The following GDF7 variants were observed in gnomAD, a reference collection of about 807,000 sequenced individuals.
The protein encoded by GDF7 is growth/differentiation factor 7.
Under a neutral mutation model 13.4 loss-of-function variants are expected in GDF7, and 12 were observed. That is an observed-to-expected ratio of 0.90 (90% CI 0.57 to 1.45). GDF7 has a LOEUF of 1.45. Ranked by LOEUF, GDF7 falls within the 40% of genes most tolerant of loss-of-function variation. The pLI, the probability that GDF7 is intolerant of heterozygous loss-of-function variation, is 0.00. For missense variants in GDF7, 651 were observed against 652.4 expected, an observed-to-expected ratio of 1.00 and a Z score of 0.02; for synonymous variants, 330 against 306.4, an observed-to-expected ratio of 1.08 and a Z score of -0.80.
intron 1 of GDF7, 143 bp from the exon 2 acceptor site, chr2:20,670,321 C>T (rs1187700423): frequency 2.2e-6 from 2 of 897,352 alleles, no homozygotes; most frequent in Non-Finnish European, 3.1e-6. Context: ...GGCAGAGACG[C>T]GGAGTCGGGC....
In GDF7 at chr2:20,670,216, G is replaced by T. The variant is rs559378491; in HGVS notation, c.392-248G>T. ...TGCAGTGACCATGGGTTGTTGGCCT[G>T]ATGGGACTTTTGGCTTGCTAAACCA... On this transcript the variant is annotated intron_variant, in intron 1 of 1. Coordinates refer to ENST00000272224, the MANE Select transcript of GDF7 (RefSeq NM_182828.4). Among the ~76,000 whole-genome samples the T allele has an allele frequency of 1.5e-4, 23 of 152,340 alleles. No individual in the cohort carries two copies. In the South Asian group the frequency reaches 4.3e-3, roughly 29 times the overall value.
In GDF7 at chr2:20,667,543, A is replaced by C; in HGVS notation, c.304A>C (p.Arg102=). The change falls in exon 1 of 2, where the codon AGG becomes CGG. Residue 102 remains arginine (R), a synonymous_variant. Coordinates refer to ENST00000272224, the MANE Select transcript of GDF7 (RefSeq NM_182828.4). This position sits in a 1 kb window ranked among gnomAD's most constrained non-coding sequence, Gnocchi z 6.4. ...GTCGCTTTACCGGAGCCTGGCCGGG[A>C]GGGCTCCGGCCGGGGCAGCCGCTGT... is the stretch of plus-strand genomic sequence containing the variant. ...MMSLYRSLAG[R]APAGAAAVSA... is the part of the protein sequence containing the mutation. The C allele has an allele frequency of 6.9e-7, 1 of 1,458,998 alleles. No homozygotes were observed. The highest frequency in any genetic ancestry group is 9.0e-7 in the Non-Finnish European group (1 of 1,111,462). 90.4% of individuals were successfully genotyped at this position (1,458,998 alleles called of 1,614,324 possible).
chr2:20,672,975 C>T lies in GDF7; in HGVS notation c.*1550C>T, dbSNP rs1351747273. The T allele has an allele frequency of 6.6e-6, 1 of 152,104 alleles. No homozygotes were observed. Among genetic ancestry groups the T allele is most frequent in the East Asian group, 1.9e-4 (1 of 5,192 alleles). The allele number at this position is 152,104 out of a possible 1,614,324, so 9.4% of individuals were successfully genotyped here. A position where few individuals can be genotyped will look rare whatever the true frequency, so the allele number is the denominator to read the frequency against. ...GGGGTGGGGGCTTCTTAGAACAGCCCCGCAGCCCTCTCGGTGCATCTGTGT... is the reference window on the plus strand; with the variant it reads ...GGGGTGGGGGCTTCTTAGAACAGCCTCGCAGCCCTCTCGGTGCATCTGTGT... On this transcript the variant is annotated 3_prime_UTR_variant, in exon 2 of 2. Transcript: ENST00000272224.
At chr2:20,669,853 T>A (rs1288075118) in intron 1 of GDF7, among the ~76,000 whole-genome samples, 1 of 152,210 alleles carries the variant, frequency 6.6e-6, no homozygotes, top group Non-Finnish European at 1.5e-5. Flanking sequence ...CCCGGACGAA[T>A]CGCCGAGCCC....
At chr2:20,670,408 G>A in intron 1 of GDF7, 56 bp from the exon 2 acceptor site, 1 of 1,458,794 alleles carries the variant, frequency 6.9e-7, no homozygotes, top group Non-Finnish European at 9.0e-7. Context: ...CGCTGACAGT[G>A]TGCAGGATTT....
At position 20,667,592 on chromosome 2, in the gene GDF7, C is replaced by T. The variant is rs756109228; in HGVS notation, c.353C>T (p.Ala118Val). The change falls in exon 1 of 2, where the codon GCG becomes GTG. Residue 118 changes from alanine (A) to valine (V), a missense_variant. Physicochemically the swap from Ala to Val is moderately conservative, Grantham distance 64. Coordinates refer to ENST00000272224, the MANE Select transcript of GDF7 (RefSeq NM_182828.4). This position sits in a 1 kb window ranked among gnomAD's most constrained non-coding sequence, Gnocchi z 6.4. ...AAVSASGHGR[A>V]DTITGFTDQA... Reference sequence around the variant, plus strand: ...GTCTCCGCCTCGGGCCATGGTCGCGCGGACACGATCACCGGCTTCACAGAC... The same window carrying T: ...GTCTCCGCCTCGGGCCATGGTCGCGTGGACACGATCACCGGCTTCACAGAC... 4.0e-6 allele frequency: 6 copies of T among 1,512,294 alleles called. No homozygotes were observed. In the Admixed American group the frequency reaches 1.0e-4, roughly 26 times the overall value. The allele number at this position is 1,512,294 out of a possible 1,614,324, so 93.7% of individuals were successfully genotyped here.
rs368635121 is a variant in GDF7, at chr2:20,667,840, C to G, written c.391+210C>G. On this transcript the variant is annotated intron_variant, in intron 1 of 1. Coordinates refer to ENST00000272224, the MANE Select transcript of GDF7 (RefSeq NM_182828.4). The surrounding 1 kb of genome is among the most constrained non-coding windows in gnomAD (Gnocchi z 6.4). Reference sequence around the variant, plus strand: ...TCGCGGCAGCTCCCGGGGCCCAGTCCCAGAGGGCTGACTGGTCCCTCTCCC... The same window carrying G: ...TCGCGGCAGCTCCCGGGGCCCAGTCGCAGAGGGCTGACTGGTCCCTCTCCC... 2.6e-5 allele frequency among the ~76,000 whole-genome samples: 4 copies of G among 152,200 alleles called. No homozygotes were observed. Among genetic ancestry groups the G allele is most frequent in the African/African-American group, 7.2e-5 (3 of 41,468 alleles).
Position 20,667,286 on chromosome 2 carries a change from C to T in GDF7, c.47C>T (p.Ala16Val), listed in dbSNP as rs1695972546. The change falls in exon 1 of 2, where the codon GCC (alanine) becomes GTC (valine). Residue 16 changes from alanine (A) to valine (V), a missense_variant. Physicochemically the swap from Ala to Val is moderately conservative, Grantham distance 64. Coordinates refer to ENST00000272224, the MANE Select transcript of GDF7 (RefSeq NM_182828.4). This position sits in a 1 kb window ranked among gnomAD's most constrained non-coding sequence, Gnocchi z 6.4. ...AAALCLWLLS[A>V]CRPRDGLEAA... Reference sequence around the variant, plus strand: ...GCGCTGTGCCTTTGGCTGCTGAGCGCCTGCCGCCCCCGCGACGGGCTGGAA... The same window carrying T: ...GCGCTGTGCCTTTGGCTGCTGAGCGTCTGCCGCCCCCGCGACGGGCTGGAA... 1.6e-6 allele frequency: 2 copies of T among 1,216,296 alleles called. No individual in the cohort carries two copies. Among genetic ancestry groups the T allele is most frequent in the South Asian group, 2.3e-5 (1 of 44,302 alleles). 75.3% of individuals were successfully genotyped at this position (1,216,296 alleles called of 1,614,324 possible). A position where few individuals can be genotyped will look rare whatever the true frequency, so the allele number is the denominator to read the frequency against.
Position 20,670,835 on chromosome 2 carries a change from C to T in GDF7, c.763C>T (p.Pro255Ser). ...ACTGCGGCGGCTGGGCTTCGGCTGG[C>T]CGGGCGGAGGGGGCTCTGCGGCAGA... ...LALRRLGFGW[P>S]GGGGSAAEER... Residue 255 changes from proline (P) to serine (S), a missense_variant, in exon 2 of 2, where the codon CCG (proline) becomes TCG (serine). Physicochemically the swap from Pro to Ser is moderately conservative, Grantham distance 74. This residue lies in a region of GDF7 where 487 missense variants were observed against 445.9 expected (regional missense o/e 1.09). Transcript: ENST00000272224. 2.0e-6 allele frequency: 3 copies of T among 1,493,426 alleles called. No homozygotes were observed. The highest frequency in any genetic ancestry group is 2.7e-5 in the East Asian group (1 of 37,128). The allele number at this position is 1,493,426 out of a possible 1,614,324, so 92.5% of individuals were successfully genotyped here. A position where few individuals can be genotyped will look rare whatever the true frequency, so the allele number is the denominator to read the frequency against.
Position 20,673,243 on chromosome 2 carries a change from T to TC in GDF7, c.*1824dup, listed in dbSNP as rs5829752. The TC allele has an allele frequency of 0.054, 8,209 of 152,126 alleles. 417 individuals are homozygous for TC. The highest frequency in any genetic ancestry group is 0.13 in the African/African-American group (5,458 of 41,466). 9.4% of individuals were successfully genotyped at this position (152,126 alleles called of 1,614,324 possible). A position where few individuals can be genotyped will look rare whatever the true frequency, so the allele number is the denominator to read the frequency against. On this transcript the variant is annotated 3_prime_UTR_variant, in exon 2 of 2. Transcript: ENST00000272224. ...TGTAAATTACTCTTAAAATTAAGAT[T>TC]CCCCCCTTCCTCCTATTATGTGAAT...
rs998501964 is a variant in GDF7 at position 20,673,097 on chromosome 2, G to C, written c.*1672G>C. ...ATTCATACACATTTTGATTCTCAGT[G>C]ATTACACTCTTGAGAGAGAGAAGAC... On this transcript the variant is annotated 3_prime_UTR_variant, in exon 2 of 2. Transcript: ENST00000272224. 2.0e-5 allele frequency: 3 copies of C among 152,028 alleles called. No homozygotes were observed. Among genetic ancestry groups the C allele is most frequent in the Admixed American group, 1.3e-4 (2 of 15,256 alleles). The allele number at this position is 152,028 out of a possible 1,614,324, so 9.4% of individuals were successfully genotyped here.
chr2:20,671,008 A>G lies in GDF7; in HGVS notation c.936A>G (p.Ala312=). 6.5e-7 allele frequency: 1 copy of G among 1,546,048 alleles called. No homozygotes were observed. The highest frequency in any genetic ancestry group is 2.5e-5 in the East Asian group (1 of 39,444). Residue 312 remains alanine, a synonymous_variant, in exon 2 of 2, where the codon GCA becomes GCG. Transcript: ENST00000272224. The stretch of plus-strand genomic sequence containing the variant: ...GAACCGGCACCGCGTCGCCAAGGGC[A>G]GTCATTGGCGGCCGCAGACGGAGGA... ...DPGTGTASPR[A]VIGGRRRRRT... is the part of the protein sequence containing the mutation.
At chr2:20,668,157 G>C (rs145462132) in intron 1 of GDF7, among the ~76,000 whole-genome samples, 81 of 152,342 alleles carry the variant, frequency 5.3e-4, no homozygotes, top group African/African-American at 1.9e-3. Flanking sequence ...AATGGCCCTG[G>C]AGAGGCTGGT....
chr2:20,670,319 C>CT, intron 1 of GDF7, 145 bp from the exon 2 acceptor site: 2 of 872,080 alleles, frequency 2.3e-6, no homozygotes, highest in South Asian at 4.4e-5. Context: ...GGGGCAGAGA[C>CT]GCGGAGTCGG....
Position 20,670,532 on chromosome 2 carries a change from G to A in GDF7, c.460G>A (p.Val154Met). 2 of 1,602,466 alleles carry A rather than the reference G, an allele frequency of 1.2e-6. No homozygotes were observed. The highest frequency in any genetic ancestry group is 8.5e-7 in the Non-Finnish European group (1 of 1,175,752). Residue 154 changes from valine to methionine, a missense_variant, in exon 2 of 2, where the codon GTG becomes ATG. Physicochemically the swap from Val to Met is conservative, Grantham distance 21. This residue lies in a region of GDF7 where 487 missense variants were observed against 445.9 expected (regional missense o/e 1.09). Transcript: ENST00000272224. ...GTCCAGCCTTAACGACGCAGACGAG[G>A]TGGTGGGTGCCGAGCTGCGCGTGCT... The part of the protein sequence containing the change: ...DVSSLNDADE[V>M]VGAELRVLRR...
At position 20,667,238 on chromosome 2, in the gene GDF7, C is replaced by T; in HGVS notation, c.-2C>T. On this transcript the variant is annotated 5_prime_UTR_variant, in exon 1 of 2. Transcript: ENST00000272224. This position sits in a 1 kb window ranked among gnomAD's most constrained non-coding sequence, Gnocchi z 6.4. Reference sequence around the variant, plus strand: ...CGCCCGCCCGCCCGGCCCACGGAGCCCATGGACCTGAGCGCCGCCGCCGCG... The same window carrying T: ...CGCCCGCCCGCCCGGCCCACGGAGCTCATGGACCTGAGCGCCGCCGCCGCG... 8.1e-7 allele frequency: 1 copy of T among 1,229,852 alleles called. No individual in the cohort carries two copies. Among genetic ancestry groups the T allele is most frequent in the Non-Finnish European group, 1.0e-6 (1 of 980,478 alleles). 76.2% of individuals were successfully genotyped at this position (1,229,852 alleles called of 1,614,324 possible).
Position 20,678,761 on chromosome 2 carries a change from G to A in GDF7, c.*7336G>A, listed in dbSNP as rs1442849316. Reference sequence around the variant, plus strand: ...AGACAAAAAGAATTATTTTGGTGAGGGGATAGAAATCCTTTCGCTTTGCAG... The same window carrying A: ...AGACAAAAAGAATTATTTTGGTGAGAGGATAGAAATCCTTTCGCTTTGCAG... On this transcript the variant is annotated 3_prime_UTR_variant, in exon 2 of 2. Transcript: ENST00000272224. The A allele has an allele frequency of 2.0e-5, 3 of 152,206 alleles. No homozygotes were observed. The highest frequency in any genetic ancestry group is 2.9e-5 in the Non-Finnish European group (2 of 68,024). The allele number at this position is 152,206 out of a possible 1,614,324, so 9.4% of individuals were successfully genotyped here. A position where few individuals can be genotyped will look rare whatever the true frequency, so the allele number is the denominator to read the frequency against.
In GDF7 at chr2:20,671,494, C is replaced by T. The variant is rs1662126882; in HGVS notation, c.*69C>T. 2 of 1,521,028 alleles carry T rather than the reference C, an allele frequency of 1.3e-6. No homozygotes were observed. Among genetic ancestry groups the T allele is most frequent in the Non-Finnish European group, 8.9e-7 (1 of 1,125,966 alleles). The allele number at this position is 1,521,028 out of a possible 1,614,324, so 94.2% of individuals were successfully genotyped here. On this transcript the variant is annotated 3_prime_UTR_variant, in exon 2 of 2. Coordinates refer to ENST00000272224, the MANE Select transcript of GDF7 (RefSeq NM_182828.4). ...AGCTGATGAGCAGCAGCGGGCCACCCTGTCACCGAGCGTGGGTGCATGTCC... is the reference window on the plus strand; with the variant it reads ...AGCTGATGAGCAGCAGCGGGCCACCTTGTCACCGAGCGTGGGTGCATGTCC...
Position 20,673,255 on chromosome 2 carries a change from C to T in GDF7, c.*1830C>T, listed in dbSNP as rs1173209979. On this transcript the variant is annotated 3_prime_UTR_variant, in exon 2 of 2. Transcript: ENST00000272224. ...TTAAAATTAAGATTCCCCCCTTCCT[C>T]CTATTATGTGAATTTATATTCTGTG... 2.0e-5 allele frequency: 3 copies of T among 152,104 alleles called. No individual in the cohort carries two copies. The highest frequency in any genetic ancestry group is 4.4e-5 in the Non-Finnish European group (3 of 68,022). 9.4% of individuals were successfully genotyped at this position (152,104 alleles called of 1,614,324 possible).
Sources: allele counts gnomAD v4.1 joint callset (sites outside exome capture counted in the v4.1 genomes callset), GRCh38; gene constraint gnomAD v4.1.1; regional missense constraint gnomAD v4.1.1; non-coding constraint Gnocchi (gnomAD v3.1); transcripts MANE v1.5; gene names NCBI Gene and HGNC (gene_info 2026-07-23, HGNC 2026-07-21).